The following ZNF836 variants were observed in gnomAD, a reference collection of about 807,000 sequenced individuals.
The protein encoded by ZNF836 is zinc finger protein 836.
Under a neutral mutation model 7.4 loss-of-function variants are expected in ZNF836, and 12 were observed. That is an observed-to-expected ratio of 1.61 (90% CI 1.03 to 2.61). The LOEUF is 2.61. Ranked by LOEUF, ZNF836 falls within the 30% of genes most tolerant of loss-of-function variation. ZNF836 has a pLI of 0.00. For missense variants in ZNF836, 998 were observed against 1,126.2 expected, an observed-to-expected ratio of 0.89 and a Z score of 1.63; for synonymous variants, 365 against 382.6, an observed-to-expected ratio of 0.95 and a Z score of 0.54.
chr19:52,155,846 T>A lies in ZNF836; in HGVS notation c.1837A>T (p.Asn613Tyr). The A allele has an allele frequency of 6.2e-7, 1 of 1,614,012 alleles. No individual in the cohort carries two copies. Among genetic ancestry groups the A allele is most frequent in the Non-Finnish European group, 8.5e-7 (1 of 1,179,894 alleles). The change falls in exon 5 of 5, where the codon AAT becomes TAT. Residue 613 changes from asparagine to tyrosine, a missense_variant. Asn to Tyr is a moderately radical substitution (Grantham distance 143, BLOSUM62 -2). Transcript: ENST00000682614. The stretch of plus-strand genomic sequence containing the variant: ...TCATTGAAGACCTTGCCACACACAT[T>A]ACATTTGTAAGGTTTCTGCCCAGTA... Reference protein sequence around the residue: ...IHTGQKPYKCNVCGKVFNDSG... With the variant: ...IHTGQKPYKCYVCGKVFNDSG...
intron 3 of ZNF836, among the ~76,000 whole-genome samples, chr19:52,167,194 A>G (rs35715660): frequency 0.53 from 80,294 of 151,560 alleles, 22,945 homozygotes; most frequent in Non-Finnish European, 0.65. Context: ...ATGATGGGCC[A>G]GGCACGGTGG....
chr19:52,156,707 C>T lies in ZNF836; in HGVS notation c.976G>A (p.Gly326Arg), dbSNP rs2089164679. ...TCATTACATTTGTAAGGTTTCTCTCCAGTGTGAATTCTCTGATGTATTGCA... is the reference window on the plus strand; with the variant it reads ...TCATTACATTTGTAAGGTTTCTCTCTAGTGTGAATTCTCTGATGTATTGCA... ...NLAIHQRIHTGEKPYKCNECG... is the reference protein window; with the variant it reads ...NLAIHQRIHTREKPYKCNECG... Residue 326 changes from glycine to arginine, a missense_variant, in exon 5 of 5, where the codon GGA (glycine) becomes AGA (arginine). Transcript: ENST00000682614. 1.9e-6 allele frequency: 3 copies of T among 1,606,084 alleles called. No homozygotes were observed. The highest frequency in any genetic ancestry group is 2.6e-6 in the Non-Finnish European group (3 of 1,174,804).
rs1197600031 is a variant in ZNF836 at position 52,155,989 on chromosome 19, T to C, written c.1694A>G (p.Tyr565Cys). 6.2e-7 allele frequency: 1 copy of C among 1,614,046 alleles called. No individual in the cohort carries two copies. Among genetic ancestry groups the C allele is most frequent in the Non-Finnish European group, 8.5e-7 (1 of 1,179,890 alleles). The change falls in exon 5 of 5, where the codon TAC becomes TGC. Residue 565 changes from tyrosine to cysteine, a missense_variant. Coordinates refer to ENST00000682614, the MANE Select transcript of ZNF836 (RefSeq NM_001102657.3). ...KCNVCGKVFNYSGNLSIHKRI... is the reference protein window; with the variant it reads ...KCNVCGKVFNCSGNLSIHKRI... ...CTTATGAATTGAAAGGTTTCCACTG[T>C]AATTGAAGACCTTGCCACACACATT...
At chr19:52,164,893 G>C (rs2089249032) in intron 3 of ZNF836, among the ~76,000 whole-genome samples, 1 of 152,158 alleles carries the variant, frequency 6.6e-6, no homozygotes, top group Non-Finnish European at 1.5e-5. Context: ...TTTGAGACCA[G>C]CTTGGTCAAC....
Position 52,159,427 on chromosome 19 carries a change from G to A in ZNF836, c.142+1038C>T, listed in dbSNP as rs80102275. 6.3e-3 allele frequency among the ~76,000 whole-genome samples: 952 copies of A among 152,246 alleles called. 5 individuals carry two copies. Among genetic ancestry groups the A allele is most frequent in the Non-Finnish European group, 9.0e-3 (615 of 68,022 alleles). On this transcript the variant is annotated intron_variant, in intron 4 of 4. Transcript: ENST00000682614. The stretch of plus-strand genomic sequence containing the variant: ...AAGTAAGACATGAACCTGGGTTTCC[G>A]GGATCAAACATGTTTTTAAATAAAA...
In ZNF836 at chr19:52,155,535, A is replaced by G; in HGVS notation, c.2148T>C (p.Pro716=). The change falls in exon 5 of 5, where the codon CCT becomes CCC. Residue 716 remains proline, a synonymous_variant. Coordinates refer to ENST00000682614, the MANE Select transcript of ZNF836 (RefSeq NM_001102657.3). ...TACATTTGTGTGGTTTCTCCCCAGTAGGATTTCTGTGATATCTTGCAAGTT... is the reference window on the plus strand; with the variant it reads ...TACATTTGTGTGGTTTCTCCCCAGTGGGATTTCTGTGATATCTTGCAAGTT... ...SSKLARYHRN[P]TGEKPHKCSH... The G allele has an allele frequency of 6.2e-7, 1 of 1,613,984 alleles. No homozygotes were observed. Among genetic ancestry groups the G allele is most frequent in the Non-Finnish European group, 8.5e-7 (1 of 1,179,882 alleles).
Position 52,160,516 on chromosome 19 carries a change from C to T in ZNF836, c.91G>A (p.Ala31Thr). 6.2e-7 allele frequency: 1 copy of T among 1,614,164 alleles called. No individual in the cohort carries two copies. The change falls in exon 4 of 5, where the codon GCT (alanine) becomes ACT (threonine). Residue 31 changes from alanine to threonine, a missense_variant. Transcript: ENST00000682614. ...TCCAACATCACATCCCAGTACAAAGCTTTCTGCACAGGGTCCAGGGATTTC... is the reference window on the plus strand; with the variant it reads ...TCCAACATCACATCCCAGTACAAAGTTTTCTGCACAGGGTCCAGGGATTTC... Reference protein sequence around the residue: ...EWKSLDPVQKALYWDVMLENY... With the variant: ...EWKSLDPVQKTLYWDVMLENY...
intron 3 of ZNF836, 188 bp from the exon 4 acceptor site, chr19:52,160,779 C>A (rs1430551454): frequency 4.8e-6 from 3 of 628,722 alleles, no homozygotes; most frequent in Non-Finnish European, 7.8e-6. Context: ...ATTATGATAT[C>A]CCGTAAATCA....
intron 3 of ZNF836, among the ~76,000 whole-genome samples, chr19:52,162,802 T>C (rs1016436885): frequency 3.9e-5 from 6 of 152,202 alleles, no homozygotes; most frequent in African/African-American, 1.4e-4. Flanking sequence ...GTGACGGCCC[T>C]CAGCAAACCT....
intron 3 of ZNF836, among the ~76,000 whole-genome samples, chr19:52,166,613 G>A (rs1328952513): frequency 2.4e-4 from 34 of 138,910 alleles, no homozygotes; most frequent in African/African-American, 6.4e-4. Flanking sequence ...TCGCTCTGTC[G>A]CCCAGGCTGG....
At chr19:52,164,255 T>C (rs187138572) in intron 3 of ZNF836, among the ~76,000 whole-genome samples, 84 of 151,902 alleles carry the variant, frequency 5.5e-4, no homozygotes, top group Admixed American at 2.8e-3. Flanking sequence ...TAGCCAGGCT[T>C]GGTGGTGCGT....
rs1346199916 is a variant in ZNF836, at chr19:52,157,292, C to T, written c.391G>A (p.Asp131Asn). The change falls in exon 5 of 5, where the codon GAT becomes AAT. Residue 131 changes from aspartate (D) to asparagine (N), a missense_variant. Physicochemically the swap from Asp to Asn is conservative, Grantham distance 23. Transcript: ENST00000682614. ...TTTTCAATACATTTGTTTTCTACATCCTCTTGACTATGTTGACCTCTTTTA... is the reference window on the plus strand; with the variant it reads ...TTTTCAATACATTTGTTTTCTACATTCTCTTGACTATGTTGACCTCTTTTA... ...NGKRGQHSQEDVENKCIENQL... is the reference protein window; with the variant it reads ...NGKRGQHSQENVENKCIENQL... 2 of 1,605,388 alleles carry T rather than the reference C, an allele frequency of 1.2e-6. No individual in the cohort carries two copies. The highest frequency in any genetic ancestry group is 1.7e-5 in the Admixed American group (1 of 58,784).
rs768923557 is a variant in ZNF836 at position 52,155,613 on chromosome 19, T to G, written c.2070A>C (p.Gly690=). The G allele has an allele frequency of 3.1e-6, 5 of 1,614,070 alleles. No homozygotes were observed. The highest frequency in any genetic ancestry group is 1.6e-4 in the Middle Eastern group (1 of 6,062). The change falls in exon 5 of 5, where the codon GGA becomes GGC. Residue 690 remains glycine (G), a synonymous_variant. Transcript: ENST00000682614. ...SLTKHLIIHT[G]EKPYNCNEFG... is the part of the protein sequence containing the mutation. Reference sequence around the variant, plus strand: ...ACTCATTACAATTGTAAGGTTTCTCTCCAGTATGAATTATCAGATGTTTAG... The same window carrying G: ...ACTCATTACAATTGTAAGGTTTCTCGCCAGTATGAATTATCAGATGTTTAG...
In ZNF836 at chr19:52,156,641, G is replaced by T; in HGVS notation, c.1042C>A (p.His348Asn). Residue 348 changes from histidine to asparagine, a missense_variant, in exon 5 of 5, where the codon CAT (histidine) becomes AAT (asparagine). His to Asn is a moderately conservative substitution (Grantham distance 68). Coordinates refer to ENST00000682614, the MANE Select transcript of ZNF836 (RefSeq NM_001102657.3). Reference sequence around the variant, plus strand: ...TTCTCTCCTGTATGGATTATCTGATGTGTAGTGAGGCATGAGCCTTGTTTG... The same window carrying T: ...TTCTCTCCTGTATGGATTATCTGATTTGTAGTGAGGCATGAGCCTTGTTTG... The part of the protein sequence containing the change: ...TFKQGSCLTT[H>N]QIIHTGEKPY... 6.2e-7 allele frequency: 1 copy of T among 1,613,526 alleles called. No homozygotes were observed. The highest frequency in any genetic ancestry group is 1.1e-5 in the South Asian group (1 of 91,044).
At position 52,156,644 on chromosome 19, in the gene ZNF836, T is replaced by C; in HGVS notation, c.1039A>G (p.Thr347Ala). The change falls in exon 5 of 5, where the codon ACA becomes GCA. Residue 347 changes from threonine to alanine, a missense_variant. Coordinates refer to ENST00000682614, the MANE Select transcript of ZNF836 (RefSeq NM_001102657.3). Reference protein sequence around the residue: ...KTFKQGSCLTTHQIIHTGEKP... With the variant: ...KTFKQGSCLTAHQIIHTGEKP... ...TCTCCTGTATGGATTATCTGATGTG[T>C]AGTGAGGCATGAGCCTTGTTTGAAG... 2 of 1,613,540 alleles carry C rather than the reference T, an allele frequency of 1.2e-6. No individual in the cohort carries two copies. The highest frequency in any genetic ancestry group is 1.7e-5 in the Admixed American group (1 of 59,990).
chr19:52,167,837 C>T (rs2089279204), intron 3 of ZNF836, among the ~76,000 whole-genome samples: 1 of 152,150 alleles, frequency 6.6e-6, no homozygotes, highest in Non-Finnish European at 1.5e-5. Context: ...GTGTGAGTCT[C>T]TCCCAGGACC....
At position 52,155,112 on chromosome 19, in the gene ZNF836, AGT is replaced by A. The variant is rs762492513; in HGVS notation, c.2569_2570del (p.Thr857TrpfsTer9). ...SKLVYHQRNH[T>X]GEKPYKCIEC... ...CAATACATTTGTATGGCTTCTCTCC[AGT>A]GTGATTTCTTTGATGGTACACCAGC... On this transcript the variant is annotated frameshift_variant, in exon 5 of 5. Coordinates refer to ENST00000682614, the MANE Select transcript of ZNF836 (RefSeq NM_001102657.3). LOFTEE classifies it low-confidence loss of function (END_TRUNC). The A allele has an allele frequency of 2.5e-6, 4 of 1,614,168 alleles. No individual in the cohort carries two copies. The highest frequency in any genetic ancestry group is 2.5e-6 in the Non-Finnish European group (3 of 1,180,002).
At position 52,155,691 on chromosome 19, in the gene ZNF836, T is replaced by C; in HGVS notation, c.1992A>G (p.Lys664=). The C allele has an allele frequency of 9.9e-6, 16 of 1,614,182 alleles. No individual in the cohort carries two copies. The highest frequency in any genetic ancestry group is 1.3e-5 in the Non-Finnish European group (15 of 1,180,018). Residue 664 remains lysine (K), a synonymous_variant, in exon 5 of 5, where the codon AAA becomes AAG. Coordinates refer to ENST00000682614, the MANE Select transcript of ZNF836 (RefSeq NM_001102657.3). ...TGCCACAATCATTACATTTGTAAGGTTTCTCTCCGGTATGAATTTTCCGAT... is the reference window on the plus strand; with the variant it reads ...TGCCACAATCATTACATTTGTAAGGCTTCTCTCCGGTATGAATTTTCCGAT... ...ARHRKIHTGE[K]PYKCNDCGKA...
intron 4 of ZNF836, among the ~76,000 whole-genome samples, chr19:52,158,439 C>A (rs1057265072): frequency 2.0e-5 from 3 of 151,932 alleles, no homozygotes; most frequent in South Asian, 2.1e-4. Context: ...AAGTATTAAA[C>A]CTGTTCTAAA....
Sources: gnomAD v4.1 joint callset for allele counts (sites outside exome capture counted in the v4.1 genomes callset) on GRCh38, gnomAD v4.1.1 for gene constraint, MANE v1.5 for transcripts, NCBI Gene and HGNC (gene_info 2026-07-23, HGNC 2026-07-21) for gene names.